The following PPIP5K2 variants were observed in gnomAD, a reference collection of about 807,000 sequenced individuals.
PPIP5K2 encodes diphosphoinositol pentakisphosphate kinase 2.
In PPIP5K2, 105 loss-of-function variants were observed where a neutral mutation model predicts 154.6. The ratio of observed to expected loss-of-function variants is 0.68; its 90% CI spans 0.58 to 0.80. The LOEUF (loss-of-function observed/expected upper bound fraction) is 0.80, where lower values mean the gene tolerates loss of function less well. Among genes scored for constraint, PPIP5K2 ranks in the 30% least tolerant of loss-of-function variants. PPIP5K2 has a pLI of 0.00. For missense variants in PPIP5K2, 992 were observed against 1,504.6 expected (o/e 0.66, Z 5.64); for synonymous variants, 480 against 490.3 (o/e 0.98, Z 0.28).
chr5:103,177,747 TATC>T lies in PPIP5K2; in HGVS notation c.2613_2615del (p.Ile871del). ...AGCTCAACTACATGACTCAGATTGT[TATC>T]ATGCTTTATGAGGATCCTAATAAGG... On this transcript the variant is annotated inframe_deletion, in exon 22 of 31. Coordinates refer to ENST00000358359, the MANE Select transcript of PPIP5K2 (RefSeq NM_001276277.3). 1 of 1,611,542 alleles carries T rather than the reference TATC, an allele frequency of 6.2e-7. No individual in the cohort carries two copies. The highest frequency in any genetic ancestry group is 1.1e-5 in the South Asian group (1 of 90,848).
At chr5:103,195,150 AAGGGT>A in intron 30 of PPIP5K2, 125 bp downstream of exon 30, 1 of 1,213,566 alleles carries the variant, frequency 8.2e-7, no homozygotes, top group Non-Finnish European at 1.1e-6. Flanking sequence ...TAATGATCCT[AAGGGT>A]TAAAAATCGA....
rs1800102025 is a variant in PPIP5K2, at chr5:103,184,763, A to G, written c.3169+19A>G. On this transcript the variant is annotated intron_variant, in intron 26 of 30. Coordinates refer to ENST00000358359, the MANE Select transcript of PPIP5K2 (RefSeq NM_001276277.3). Reference sequence around the variant, plus strand: ...ACTGTAGGTATGTGGTGTAAAGGAAATTGTGTTCCATACCCTTCTTAAACT... The same window carrying G: ...ACTGTAGGTATGTGGTGTAAAGGAAGTTGTGTTCCATACCCTTCTTAAACT... 3.8e-6 allele frequency: 6 copies of G among 1,584,360 alleles called. No homozygotes were observed. Among genetic ancestry groups the G allele is most frequent in the Non-Finnish European group, 5.2e-6 (6 of 1,153,476 alleles).
chr5:103,120,531 G>T (rs1334759828), intron 1 of PPIP5K2, 43 bp downstream of exon 1: 1 of 456,524 alleles, frequency 2.2e-6, no homozygotes, highest in African/African-American at 2.0e-5. Flanking sequence ...TGCGGAACCT[G>T]ATCATGCCAG....
At chr5:103,195,726 A>G (rs782043713) in intron 30 of PPIP5K2, among the ~76,000 whole-genome samples, 2 of 152,150 alleles carry the variant, frequency 1.3e-5, no homozygotes, top group Non-Finnish European at 2.9e-5. Context: ...AGAACATGAT[A>G]CTCATGATAT....
Position 103,200,606 on chromosome 5 carries a change from G to T in PPIP5K2, c.3620-916G>T, listed in dbSNP as rs1199336585. On this transcript the variant is annotated intron_variant, in intron 30 of 30. Coordinates refer to ENST00000358359, the MANE Select transcript of PPIP5K2 (RefSeq NM_001276277.3). ...TAATAATGTAATGCCACCTAGAATG[G>T]TTTTTTATTTTATTTATTTATTTAT... is the stretch of plus-strand genomic sequence containing the variant. 3.4e-5 allele frequency among the ~76,000 whole-genome samples: 5 copies of T among 149,050 alleles called. No homozygotes were observed. In the East Asian group the frequency reaches 5.9e-4, roughly 18 times the overall value.
intron 17 of PPIP5K2, among the ~76,000 whole-genome samples, chr5:103,164,442 G>C (rs189833456): frequency 1.0e-3 from 154 of 151,990 alleles, no homozygotes; most frequent in African/African-American, 3.6e-3. Context: ...AATAACACCA[G>C]GTGAATACTT....
chr5:103,162,350 C>CTTTTTTTTTTTTTTTTTTTT (rs200973581), intron 17 of PPIP5K2, among the ~76,000 whole-genome samples: 1 of 138,554 alleles, frequency 7.2e-6, no homozygotes, highest in Non-Finnish European at 1.6e-5. Flanking sequence ...GATGTGTTTT[C>CTTTTTTTTTTTTTTTTTTTT]TTTTTTTTTT....
chr5:103,143,362 T>A (rs1793166802), intron 5 of PPIP5K2, among the ~76,000 whole-genome samples: 1 of 152,160 alleles, frequency 6.6e-6, no homozygotes, highest in African/African-American at 2.4e-5. Flanking sequence ...AAGTAATTAT[T>A]TTTTGTAGAG....
intron 5 of PPIP5K2, among the ~76,000 whole-genome samples, chr5:103,140,476 T>C (rs571752380): frequency 2.7e-4 from 41 of 152,328 alleles, no homozygotes; most frequent in Non-Finnish European, 5.0e-4. Context: ...AGAAAGCTTA[T>C]AGGCTAGGAG....
intron 22 of PPIP5K2, 30 bp downstream of exon 22, chr5:103,177,804 C>A (rs782455271): frequency 6.3e-7 from 1 of 1,589,128 alleles, no homozygotes; most frequent in South Asian, 1.1e-5. Context: ...TGTGTTTTAC[C>A]AGACATAAAT....
chr5:103,142,916 G>A (rs1793089666), intron 5 of PPIP5K2, among the ~76,000 whole-genome samples: 1 of 151,928 alleles, frequency 6.6e-6, no homozygotes, highest in African/African-American at 2.4e-5. Flanking sequence ...AAGACTAAAA[G>A]GCAAACCTGT....
chr5:103,182,805 G>A (rs1487306893), intron 24 of PPIP5K2, among the ~76,000 whole-genome samples: 1 of 151,634 alleles, frequency 6.6e-6, no homozygotes, highest in Admixed American at 6.6e-5. Context: ...TTAGTGTCTC[G>A]GGTTGAAAAA....
intron 11 of PPIP5K2, 67 bp downstream of exon 11, chr5:103,154,001 T>G (rs1311672192): frequency 8.3e-7 from 1 of 1,211,584 alleles, no homozygotes; most frequent in African/African-American, 1.5e-5. Flanking sequence ...AGTGATCAAC[T>G]CTTTTGATTA....
intron 19 of PPIP5K2, among the ~76,000 whole-genome samples, chr5:103,169,873 CTT>C: frequency 6.6e-6 from 1 of 151,682 alleles, no homozygotes; most frequent in East Asian, 1.9e-4. Context: ...GAATACAAGA[CTT>C]TAAGATATTT....
In PPIP5K2 at chr5:103,199,209, A is replaced by G. The variant is rs145319615; in HGVS notation, c.3620-2313A>G. Among the ~76,000 whole-genome samples the G allele has an allele frequency of 1.8e-4, 27 of 152,230 alleles. 1 individual carries two copies. In the East Asian group the frequency reaches 5.0e-3, roughly 28 times the overall value. On this transcript the variant is annotated intron_variant, in intron 30 of 30. Coordinates refer to ENST00000358359, the MANE Select transcript of PPIP5K2 (RefSeq NM_001276277.3). ...GAAACTTAGAGGAGAAAAAGATTCT[A>G]TATTTATCCATATATTTGCCATATT...
At chr5:103,148,178 C>G (rs782814458) in intron 7 of PPIP5K2, 146 bp downstream of exon 7, 1 of 703,972 alleles carries the variant, frequency 1.4e-6, no homozygotes, top group Admixed American at 2.1e-5. Context: ...GTAACAACAA[C>G]ATCTTTAGCA....
intron 1 of PPIP5K2, chr5:103,120,793 G>T (rs1232887065): frequency 6.8e-6 from 2 of 293,948 alleles, no homozygotes; most frequent in Non-Finnish European, 1.4e-5. Flanking sequence ...ACCCCACGCT[G>T]TGCCTGGCTC....
At position 103,147,958 on chromosome 5, in the gene PPIP5K2, C is replaced by G. The variant is rs782410984; in HGVS notation, c.670C>G (p.Pro224Ala). 1 of 1,599,090 alleles carries G rather than the reference C, an allele frequency of 6.3e-7. No individual in the cohort carries two copies. ...KIGSRSSVYS[P>A]ESNVRKTGSY... is the part of the protein sequence containing the mutation. Reference sequence around the variant, plus strand: ...TGGCAGTAGAAGTAGTGTTTATTCTCCAGAAAGCAATGTACGAAAAACAGG... The same window carrying G: ...TGGCAGTAGAAGTAGTGTTTATTCTGCAGAAAGCAATGTACGAAAAACAGG... Residue 224 changes from proline to alanine, a missense_variant, in exon 7 of 31, where the codon CCA becomes GCA. Physicochemically the swap from Pro to Ala is conservative, Grantham distance 27 (BLOSUM62 -1). Transcript: ENST00000358359.
rs377524507 is a variant in PPIP5K2 at position 103,149,338 on chromosome 5, A to G, written c.906+25A>G. The G allele has an allele frequency of 4.3e-5, 67 of 1,571,046 alleles. No individual in the cohort carries two copies. The African/African-American group carries it at 9.0e-4, about 21-fold the overall frequency. ...GGTAAGATGTTATACAGGCCTATAGATCCTTATAAAGGTAAATTCTAATTT... is the reference window on the plus strand; with the variant it reads ...GGTAAGATGTTATACAGGCCTATAGGTCCTTATAAAGGTAAATTCTAATTT... On this transcript the variant is annotated intron_variant, in intron 8 of 30. Transcript: ENST00000358359.
Sources: allele counts gnomAD v4.1 joint callset (sites outside exome capture counted in the v4.1 genomes callset), GRCh38; gene constraint gnomAD v4.1.1; transcripts MANE v1.5; gene names NCBI Gene and HGNC (gene_info 2026-07-23, HGNC 2026-07-21).